Variants in PIGZ observed in about 807,000 individuals in gnomAD.
PIGZ encodes phosphatidylinositol glycan anchor biosynthesis class Z (Gwada blood group).
A neutral mutation model predicts 16.4 loss-of-function variants in PIGZ; 16 were observed. The ratio of observed to expected loss-of-function variants is 0.97; its 90% confidence interval spans 0.66 to 1.48. The LOEUF (loss-of-function observed/expected upper bound fraction) is 1.48, where lower values mean the gene tolerates loss of function less well. Ranked by LOEUF, PIGZ falls within the 40% of genes most tolerant of loss-of-function variation. PIGZ has a pLI of 0.00. For missense variants in PIGZ, 770 were observed against 739.2 expected (o/e 1.04, Z -0.48); for synonymous variants, 409 against 338.4 (o/e 1.21, Z -2.29).
At position 196,947,677 on chromosome 3, in the gene PIGZ, G is replaced by A. The variant is rs371663119; in HGVS notation, c.1220C>T (p.Thr407Met). 3.5e-5 allele frequency: 57 copies of A among 1,612,688 alleles called. No homozygotes were observed. Among genetic ancestry groups the A allele is most frequent in the East Asian group, 2.7e-4 (12 of 44,858 alleles). Residue 407 changes from threonine to methionine, a missense_variant, in exon 3 of 3, where the codon ACG (threonine) becomes ATG (methionine). Physicochemically the swap from Thr to Met is moderately conservative, Grantham distance 81. Transcript: ENST00000412723. ...AGTGCCCTTCCAAGGCACAGGCTGC[G>A]TCTGTGGACTACAAAGCAGGACCAG... ...VPLVLLCSPQTQPVPWKGTVV... is the reference protein window; with the variant it reads ...VPLVLLCSPQMQPVPWKGTVV...
Position 196,950,782 on chromosome 3 carries a change from T to C in PIGZ, c.211+1039A>G, listed in dbSNP as rs1717248497. ...TTTTTTGAGATGGAGTCTCGCTCTG[T>C]TGCCCAGGCTGAAGTGCAGTGGCAC... On this transcript the variant is annotated intron_variant, in intron 2 of 2. Coordinates refer to ENST00000412723, the MANE Select transcript of PIGZ (RefSeq NM_025163.4). Among the ~76,000 whole-genome samples the C allele has an allele frequency of 5.3e-5, 8 of 151,328 alleles. No homozygotes were observed. In the South Asian group the frequency reaches 1.7e-3, roughly 32 times the overall value.
In PIGZ at chr3:196,952,005, T is replaced by C; in HGVS notation, c.27A>G (p.Ala9=). ...GGAATGATGTCCCAGCTGCTACAGA[T>C]GCTACGCTGGATCCACAGATCTGCA... MQICGSSV[A]SVAAGTSFQV... The change falls in exon 2 of 3, where the codon GCA becomes GCG. Residue 9 remains alanine, a synonymous_variant. Coordinates refer to ENST00000412723, the MANE Select transcript of PIGZ (RefSeq NM_025163.4). 6.2e-7 allele frequency: 1 copy of C among 1,614,150 alleles called. No homozygotes were observed. The highest frequency in any genetic ancestry group is 1.6e-4 in the Middle Eastern group (1 of 6,062).
intron 1 of PIGZ, among the ~76,000 whole-genome samples, chr3:196,953,603 A>C (rs887840237): frequency 6.6e-6 from 1 of 152,228 alleles, no homozygotes; most frequent in African/African-American, 2.4e-5. Context: ...CCACAGCATC[A>C]CTGCTGAACA....
In PIGZ at chr3:196,948,258, G is replaced by C; in HGVS notation, c.639C>G (p.Ser213Arg). 6.2e-7 allele frequency: 1 copy of C among 1,614,158 alleles called. No homozygotes were observed. The highest frequency in any genetic ancestry group is 8.5e-7 in the Non-Finnish European group (1 of 1,180,010). Residue 213 changes from serine (S) to arginine (R), a missense_variant, in exon 3 of 3, where the codon AGC becomes AGG. Coordinates refer to ENST00000412723, the MANE Select transcript of PIGZ (RefSeq NM_025163.4). Reference protein sequence around the residue: ...KEPAPGPRWRSWLLGGIVAAG... With the variant: ...KEPAPGPRWRRWLLGGIVAAG... ...CAGCCACAATGCCTCCAAGAAGCCA[G>C]CTGCGCCACCGTGGACCCGGCGCCG...
intron 2 of PIGZ, among the ~76,000 whole-genome samples, chr3:196,948,887 TCCCCTTCCTTCCCTTCCCCTCCCCTC>T (rs1560180777): frequency 0.012 from 148 of 12,624 alleles, 23 homozygotes; most frequent in African/African-American, 0.057. Flanking sequence ...TTCCCTTCCT[TCCCCTTCCTTCCCTTCCCCTCCCCTC>T]CCTTCCCTTC....
intron 1 of PIGZ, among the ~76,000 whole-genome samples, chr3:196,953,033 G>A (rs1489103549): frequency 2.0e-5 from 3 of 152,130 alleles, no homozygotes; most frequent in South Asian, 2.1e-4. Context: ...TAAGGCTCCC[G>A]ACTCAGACTG....
Position 196,948,670 on chromosome 3 carries a change from A to G in PIGZ, c.227T>C (p.Val76Ala). 6.9e-7 allele frequency: 1 copy of G among 1,456,254 alleles called. No individual in the cohort carries two copies. The highest frequency in any genetic ancestry group is 1.5e-5 in the South Asian group (1 of 68,760). 90.2% of individuals were successfully genotyped at this position (1,456,254 alleles called of 1,614,324 possible). The part of the protein sequence containing the change: ...PEVMAEDILG[V>A]QAARPWEFYP... Reference sequence around the variant, plus strand: ...AAACTCCCAGGGCCGCGCGGCCTGAACGCCCAGGATGTCCTCTGCAGAGAG... The same window carrying G: ...AAACTCCCAGGGCCGCGCGGCCTGAGCGCCCAGGATGTCCTCTGCAGAGAG... The change falls in exon 3 of 3, where the codon GTT becomes GCT. Residue 76 changes from valine to alanine, a missense_variant. Val to Ala is a moderately conservative substitution (Grantham distance 64). Transcript: ENST00000412723.
At chr3:196,949,063 CT>C (rs1209546108) in intron 2 of PIGZ, among the ~76,000 whole-genome samples, 3 of 101,884 alleles carry the variant, frequency 2.9e-5, no homozygotes, top group African/African-American at 1.1e-4. Flanking sequence ...CTTCCTTCCC[CT>C]TCCTTCGCTT....
intron 1 of PIGZ, among the ~76,000 whole-genome samples, chr3:196,964,949 A>G (rs2108920890): frequency 1.3e-5 from 2 of 152,258 alleles, no homozygotes; most frequent in Middle Eastern, 6.8e-3. Flanking sequence ...GAGCTGGAAG[A>G]TGGACCCGGT....
chr3:196,952,871 G>A (rs1404565286), intron 1 of PIGZ, among the ~76,000 whole-genome samples: 2 of 152,102 alleles, frequency 1.3e-5, no homozygotes, highest in Non-Finnish European at 2.9e-5. Context: ...AGCTGGGATA[G>A]CCATCTTCTC....
chr3:196,962,214 A>C (rs1717748782), intron 1 of PIGZ, among the ~76,000 whole-genome samples: 1 of 152,194 alleles, frequency 6.6e-6, no homozygotes, highest in African/African-American at 2.4e-5. Flanking sequence ...TATTGACTCA[A>C]GGTTAATGGA....
At position 196,960,737 on chromosome 3, in the gene PIGZ, GAGAA is replaced by G. The variant is rs377421215; in HGVS notation, c.-1+7946_-1+7949del. 4.5e-3 allele frequency among the ~76,000 whole-genome samples: 636 copies of G among 140,502 alleles called. 4 individuals carry two copies. The highest frequency in any genetic ancestry group is 6.2e-3 in the African/African-American group (233 of 37,636). The allele number at this position is 140,502 out of a possible 152,430, so 92.2% of individuals were successfully genotyped here. ...GAAGGAAAGAAAGAAAAGAAAGAAA[GAGAA>G]AGAAAGAAAGAAAGAAAGAAAGAAA... is the stretch of plus-strand genomic sequence containing the variant. On this transcript the variant is annotated intron_variant, in intron 1 of 2. Coordinates refer to ENST00000412723, the MANE Select transcript of PIGZ (RefSeq NM_025163.4).
chr3:196,967,360 C>G (rs1717973739), intron 1 of PIGZ, among the ~76,000 whole-genome samples: 1 of 152,130 alleles, frequency 6.6e-6, no homozygotes. Flanking sequence ...GTGGCTCATT[C>G]CAAGAAAGGT....
chr3:196,958,492 G>A (rs934198053), intron 1 of PIGZ, among the ~76,000 whole-genome samples: 20 of 152,302 alleles, frequency 1.3e-4, no homozygotes, highest in South Asian at 6.2e-4. Context: ...TTAGCAGGGC[G>A]TGGTGGCGGG....
At chr3:196,956,640 T>C (rs377650924) in intron 1 of PIGZ, among the ~76,000 whole-genome samples, 3 of 152,234 alleles carry the variant, frequency 2.0e-5, no homozygotes, top group East Asian at 3.8e-4. Context: ...TAAGTTCTAT[T>C]TCATATTTTC....
At chr3:196,952,069 A>G (rs538998996) in intron 1 of PIGZ, 38 bp from the exon 2 acceptor site, 11 of 1,545,186 alleles carry the variant, frequency 7.1e-6, no homozygotes, top group South Asian at 1.2e-5. Flanking sequence ...CACGATGTAA[A>G]TTATAATATA....
chr3:196,947,335 AC>A lies in PIGZ; in HGVS notation c.1561del (p.Val521TrpfsTer2), dbSNP rs771181022. On this transcript the variant is annotated frameshift_variant, in exon 3 of 3. Transcript: ENST00000412723. LOFTEE classifies it high-confidence loss of function. Reference protein sequence around the residue: ...AGGPWLCRLFVVTPGTTRRAV... With the variant: ...AGGPWLCRLFXVTPGTTRRAV... ...ACGCCTGGTGGTGCCAGGGGTTACCACAAAGAGGCGGCAGAGCCATGGCCCA... is the reference window on the plus strand; with the variant it reads ...ACGCCTGGTGGTGCCAGGGGTTACCAAAAGAGGCGGCAGAGCCATGGCCCA... 6.2e-7 allele frequency: 1 copy of A among 1,614,098 alleles called. No individual in the cohort carries two copies. Among genetic ancestry groups the A allele is most frequent in the African/African-American group, 1.3e-5 (1 of 74,952 alleles).
At chr3:196,950,744 C>CTTTTT (rs35150164) in intron 2 of PIGZ, among the ~76,000 whole-genome samples, 7 of 145,604 alleles carry the variant, frequency 4.8e-5, no homozygotes, top group East Asian at 2.1e-4. Context: ...CTTCATTAGA[C>CTTTTT]TTTTTTTTTT....
rs1231947048 is a variant in PIGZ, at chr3:196,946,666, C to T, written c.*491G>A. On this transcript the variant is annotated 3_prime_UTR_variant, in exon 3 of 3. Coordinates refer to ENST00000412723, the MANE Select transcript of PIGZ (RefSeq NM_025163.4). Reference sequence around the variant, plus strand: ...ACCAAGGGGCCAGAAGTTGGGTCCCCTGGATCTGGGCCACCTGTTCTCTAT... The same window carrying T: ...ACCAAGGGGCCAGAAGTTGGGTCCCTTGGATCTGGGCCACCTGTTCTCTAT... 1 of 152,414 alleles carries T rather than the reference C, an allele frequency of 6.6e-6. No individual in the cohort carries two copies. Among genetic ancestry groups the T allele is most frequent in the Non-Finnish European group, 1.5e-5 (1 of 68,186 alleles). The allele number at this position is 152,414 out of a possible 1,614,324, so 9.4% of individuals were successfully genotyped here. A position where few individuals can be genotyped will look rare whatever the true frequency, so the allele number is the denominator to read the frequency against.
Sources: allele counts gnomAD v4.1 joint callset (sites outside exome capture counted in the v4.1 genomes callset), GRCh38; gene constraint gnomAD v4.1.1; transcripts MANE v1.5; gene names NCBI Gene and HGNC (gene_info 2026-07-23, HGNC 2026-07-21).